GRM1: variants seen among roughly 807,000 people sequenced by gnomAD.
The protein encoded by GRM1 is metabotropic glutamate receptor 1.
A neutral mutation model predicts 90.9 loss-of-function variants in GRM1; 33 were observed. The ratio of observed to expected loss-of-function variants is 0.36; its 90% CI spans 0.28 to 0.49. GRM1 has a LOEUF of 0.49. Ranked by LOEUF, GRM1 falls within the 20% of genes least tolerant of loss-of-function variation. The pLI, the probability that GRM1 is intolerant of heterozygous loss-of-function variation, is 0.99. For missense variants in GRM1, 1,190 were observed against 1,534.3 expected, an observed-to-expected ratio of 0.78 and a Z score of 3.75; for synonymous variants, 700 against 613.2, an observed-to-expected ratio of 1.14 and a Z score of -2.09.
chr6:146,406,132 A>T (rs2114608900), intron 7 of GRM1, among the ~76,000 whole-genome samples: 1 of 152,312 alleles, frequency 6.6e-6, no homozygotes, highest in South Asian at 2.1e-4. Flanking sequence ...AAGAAGGAAA[A>T]GTTGGAAACA....
chr6:146,073,164 G>C (rs185384971), intron 1 of GRM1, among the ~76,000 whole-genome samples: 70 of 152,218 alleles, frequency 4.6e-4, no homozygotes, highest in Admixed American at 1.7e-3. Flanking sequence ...ATTGGGACGG[G>C]ATATGTATTA....
intron 2 of GRM1, among the ~76,000 whole-genome samples, chr6:146,163,907 A>G (rs1227255495): frequency 6.6e-6 from 1 of 152,002 alleles, no homozygotes; most frequent in Non-Finnish European, 1.5e-5. Context: ...TTTCCAGCTC[A>G]TTTCTTTATC....
chr6:146,399,787 C>T lies in GRM1; in HGVS notation c.2660+88C>T, dbSNP rs946978665. The T allele has an allele frequency of 5.7e-6, 5 of 882,638 alleles. No individual in the cohort carries two copies. Among genetic ancestry groups the T allele is most frequent in the Non-Finnish European group, 5.4e-6 (3 of 552,812 alleles). The allele number at this position is 882,638 out of a possible 1,614,324, so 54.7% of individuals were successfully genotyped here. ...TCTCTCTCTCTCTTTCTCTGTCTCT[C>T]ATATCTTCCTCTAGTTTTCTGAGTT... On this transcript the variant is annotated intron_variant, in intron 7 of 7. Transcript: ENST00000282753. The surrounding 1 kb of genome is among the most constrained non-coding windows in gnomAD (Gnocchi z 5.4).
rs376574502 is a variant in GRM1, at chr6:146,371,693, G to A, written c.1602+13999G>A. On this transcript the variant is annotated intron_variant, in intron 5 of 7. Transcript: ENST00000282753. ...TCAATTGATTTGATTTTTAGATCCC[G>A]CAGATAAGTGGGAATATGTGATGCT... Among the ~76,000 whole-genome samples the A allele has an allele frequency of 3.3e-5, 5 of 152,040 alleles. No individual in the cohort carries two copies. The East Asian group carries it at 5.8e-4, about 18-fold the overall frequency.
At chr6:146,171,020 T>C (rs1053974270) in intron 2 of GRM1, among the ~76,000 whole-genome samples, 2 of 152,164 alleles carry the variant, frequency 1.3e-5, no homozygotes, top group Non-Finnish European at 2.9e-5. Context: ...ATAATCTTTT[T>C]TGAATTTGTG....
intron 3 of GRM1, among the ~76,000 whole-genome samples, chr6:146,344,665 C>T (rs1354066719): frequency 6.6e-6 from 1 of 152,146 alleles, no homozygotes; most frequent in Non-Finnish European, 1.5e-5. Context: ...TAAAAGGCAA[C>T]ATTAAAGAAA....
rs150389406 is a variant in GRM1, at chr6:146,119,117, T to C, written c.701-40231T>C. ...TCCAGCACCTGTTGTTTCCTGACTT[T>C]TTAATGATCGCCATTGTAACTGGTG... is the stretch of plus-strand genomic sequence containing the variant. On this transcript the variant is annotated intron_variant, in intron 1 of 7. Transcript: ENST00000282753. Among the ~76,000 whole-genome samples, 600 of 152,344 alleles carry C rather than the reference T, an allele frequency of 3.9e-3. 16 individuals carry two copies. The East Asian group carries it at 0.069, about 17-fold the overall frequency.
At chr6:146,360,954 C>A (rs756001097) in intron 5 of GRM1, among the ~76,000 whole-genome samples, 1 of 152,162 alleles carries the variant, frequency 6.6e-6, no homozygotes, top group Non-Finnish European at 1.5e-5. Flanking sequence ...CAAGAGGTCA[C>A]TGGATAGGCT....
At chr6:146,207,249 A>G (rs112398823) in intron 2 of GRM1, among the ~76,000 whole-genome samples, 6 of 152,168 alleles carry the variant, frequency 3.9e-5, no homozygotes, top group African/African-American at 1.2e-4. Flanking sequence ...GCTTTCTACA[A>G]TGGTTGAATT....
chr6:146,089,151 G>T (rs1214944036), intron 1 of GRM1, among the ~76,000 whole-genome samples: 2 of 152,090 alleles, frequency 1.3e-5, no homozygotes, highest in Non-Finnish European at 2.9e-5. Context: ...CTCCTTGCTG[G>T]CCTGATGGAA....
chr6:146,049,240 G>A (rs909739157), intron 1 of GRM1, among the ~76,000 whole-genome samples: 7 of 151,906 alleles, frequency 4.6e-5, no homozygotes, highest in South Asian at 2.1e-4. Context: ...AGGGACACCC[G>A]GATAGCTGGT....
intron 2 of GRM1, among the ~76,000 whole-genome samples, chr6:146,290,896 T>A (rs2114883929): frequency 6.6e-6 from 1 of 152,194 alleles, no homozygotes; most frequent in Middle Eastern, 3.4e-3. Context: ...TTGGGGATGT[T>A]GGGATACAGT....
intron 1 of GRM1, among the ~76,000 whole-genome samples, chr6:146,138,809 T>G (rs1208320848): frequency 6.6e-6 from 1 of 152,112 alleles, no homozygotes; most frequent in Non-Finnish European, 1.5e-5. Flanking sequence ...ATTGTTTCCT[T>G]TGTTTTAATT....
chr6:146,358,599 T>TGACATGCTGCC (rs1775321824), intron 5 of GRM1, among the ~76,000 whole-genome samples: 1 of 151,914 alleles, frequency 6.6e-6, no homozygotes, highest in Admixed American at 6.6e-5. Context: ...GACATGCCGC[T>TGACATGCTGCC]GTACCATTCT....
rs148288573 is a variant in GRM1 at position 146,179,537 on chromosome 6, G to A, written c.950+19940G>A. ...TTTTTGTTTTGTTTTGTTCTGAGAC[G>A]GAGTTTCGCTTTGTCGCCCAGGCGG... On this transcript the variant is annotated intron_variant, in intron 2 of 7. Transcript: ENST00000282753. 5.2e-4 allele frequency among the ~76,000 whole-genome samples: 79 copies of A among 152,252 alleles called. 1 individual carries two copies. The highest frequency in any genetic ancestry group is 9.0e-4 in the Non-Finnish European group (61 of 68,028).
chr6:146,072,405 G>A (rs191590736), intron 1 of GRM1, among the ~76,000 whole-genome samples: 1 of 152,192 alleles, frequency 6.6e-6, no homozygotes, highest in East Asian at 1.9e-4. Flanking sequence ...TGCACTAAAT[G>A]CTCACAGAAG....
At chr6:146,409,480 T>C (rs1241705381) in intron 7 of GRM1, among the ~76,000 whole-genome samples, 4 of 152,160 alleles carry the variant, frequency 2.6e-5, no homozygotes, top group Admixed American at 2.6e-4. Context: ...TTCTATTATA[T>C]AGATTTCTGG....
chr6:146,037,665 A>G (rs1000692110), intron 1 of GRM1, among the ~76,000 whole-genome samples: 1 of 151,974 alleles, frequency 6.6e-6, no homozygotes, highest in East Asian at 1.9e-4. Context: ...TTAGTTTTGG[A>G]TGACTCCAAC....
chr6:146,399,176 C>T lies in GRM1; in HGVS notation c.2137C>T (p.Leu713=), dbSNP rs373936248. The T allele has an allele frequency of 1.5e-5, 25 of 1,614,000 alleles. No homozygotes were observed. The highest frequency in any genetic ancestry group is 2.1e-5 in the Non-Finnish European group (25 of 1,180,026). The stretch of plus-strand genomic sequence containing the variant: ...GGCTCAGGTGATCATTGCCTCAATT[C>T]TGATTAGTGTGCAACTAACCCTGGT... ...AWAQVIIASI[L]ISVQLTLVVT... Residue 713 remains leucine (L), a synonymous_variant, in exon 7 of 8, where the codon CTG becomes TTG. Coordinates refer to ENST00000282753, the MANE Select transcript of GRM1 (RefSeq NM_001278064.2). The surrounding 1 kb of genome is among the most constrained non-coding windows in gnomAD (Gnocchi z 5.4).
Sources: allele counts gnomAD v4.1 joint callset (sites outside exome capture counted in the v4.1 genomes callset), GRCh38; gene constraint gnomAD v4.1.1; non-coding constraint Gnocchi (gnomAD v3.1); transcripts MANE v1.5; gene names NCBI Gene and HGNC (gene_info 2026-07-23, HGNC 2026-07-21).